Variants in VMP1 observed in about 807,000 individuals in gnomAD.
VMP1 encodes the protein vacuole membrane protein 1, also known as ectopic P-granules autophagy protein 3 homolog.
Under a neutral mutation model 56.0 loss-of-function variants are expected in VMP1, and 11 were observed. That is an observed-to-expected ratio of 0.20 (90% CI 0.12 to 0.32). The LOEUF (loss-of-function observed/expected upper bound fraction) is 0.32, where lower values mean the gene tolerates loss of function less well. Ranked by LOEUF, VMP1 falls within the 10% of genes least tolerant of loss-of-function variation. The probability of loss-of-function intolerance (pLI) is 1.00; values close to 1 mark genes in which losing one functional copy is unlikely to be tolerated. For missense variants in VMP1, 296 were observed against 490.3 expected, an observed-to-expected ratio of 0.60 and a Z score of 3.74; for synonymous variants, 149 against 165.0, an observed-to-expected ratio of 0.90 and a Z score of 0.74.
Position 59,841,243 on chromosome 17 carries a change from A to T in VMP1, c.*1332A>T, listed in dbSNP as rs561219368. ...TCTGCTTGTTTTGCCTACCATCGTG[A>T]CATCTCCATGGCTGTACCACCTTGT... On this transcript the variant is annotated 3_prime_UTR_variant, in exon 12 of 12. Coordinates refer to ENST00000262291, the MANE Select transcript of VMP1 (RefSeq NM_030938.5). 4 of 481,720 alleles carry T rather than the reference A, an allele frequency of 8.3e-6. No homozygotes were observed. The highest frequency in any genetic ancestry group is 7.8e-5 in the African/African-American group (4 of 51,292). 29.8% of individuals were successfully genotyped at this position (481,720 alleles called of 1,614,324 possible).
chr17:59,731,552 G>A (rs2034825255), intron 2 of VMP1, 30 bp downstream of exon 2: 12 of 1,506,206 alleles, frequency 8.0e-6, no homozygotes, highest in Middle Eastern at 1.7e-4. Flanking sequence ...AGGGAGGAGT[G>A]CTATGGGTTT....
chr17:59,749,780 G>A (rs1354580463), intron 5 of VMP1, among the ~76,000 whole-genome samples: 1 of 152,070 alleles, frequency 6.6e-6, no homozygotes, highest in Non-Finnish European at 1.5e-5. Context: ...AAAGTGCTGC[G>A]ATTACAGGCA....
chr17:59,755,806 A>T (rs980123174), intron 5 of VMP1, among the ~76,000 whole-genome samples: 18 of 149,986 alleles, frequency 1.2e-4, no homozygotes, highest in Non-Finnish European at 2.1e-4. Flanking sequence ...TGGCATGATC[A>T]TAGCTCACTG....
At chr17:59,785,058 T>A (rs1043681637) in intron 7 of VMP1, 1 of 152,198 alleles carries the variant, frequency 6.6e-6, no homozygotes, top group Non-Finnish European at 1.5e-5. Context: ...TAAAAGAACT[T>A]ATTTGCATGA....
intron 7 of VMP1, among the ~76,000 whole-genome samples, chr17:59,798,753 G>A (rs1029224505): frequency 6.6e-6 from 1 of 152,158 alleles, no homozygotes; most frequent in Non-Finnish European, 1.5e-5. Flanking sequence ...AGGTGTGGTG[G>A]CGCATGCCTG....
chr17:59,805,661 C>CA (rs760953371), intron 7 of VMP1, among the ~76,000 whole-genome samples: 585 of 101,372 alleles, frequency 5.8e-3, no homozygotes, highest in African/African-American at 0.011. Context: ...AAAATAAAAG[C>CA]AAAAAAAAAA....
chr17:59,731,655 T>A, intron 2 of VMP1, 133 bp downstream of exon 2: 1 of 577,248 alleles, frequency 1.7e-6, no homozygotes, highest in Non-Finnish European at 2.6e-6. Context: ...AAATTATGGG[T>A]CAGTCAGGGC....
chr17:59,806,630 G>A (rs1023520466), intron 7 of VMP1, among the ~76,000 whole-genome samples: 9 of 150,290 alleles, frequency 6.0e-5, no homozygotes, highest in East Asian at 3.9e-4. Context: ...CAAGAGAATC[G>A]CTTGAACCCG....
chr17:59,755,546 T>C (rs2035808229), intron 5 of VMP1, among the ~76,000 whole-genome samples: 1 of 152,152 alleles, frequency 6.6e-6, no homozygotes, highest in African/African-American at 2.4e-5. Flanking sequence ...TATTTGCACT[T>C]TTATAGTATA....
In VMP1 at chr17:59,770,705, C is replaced by T. The variant is rs147024469; in HGVS notation, c.583-3049C>T. Among the ~76,000 whole-genome samples the T allele has an allele frequency of 7.8e-3, 1,181 of 151,844 alleles. 6 individuals are homozygous for T. Among genetic ancestry groups the T allele is most frequent in the Non-Finnish European group, 0.01 (683 of 67,916 alleles). ...CCACAATTCTCCTGCCTCAGCCTCC[C>T]GAGTAGCTGGGATTATAGGCGCACA... On this transcript the variant is annotated intron_variant, in intron 6 of 11. Coordinates refer to ENST00000262291, the MANE Select transcript of VMP1 (RefSeq NM_030938.5).
intron 1 of VMP1, among the ~76,000 whole-genome samples, chr17:59,719,340 A>G (rs555411533): frequency 5.3e-5 from 8 of 152,142 alleles, no homozygotes; most frequent in Non-Finnish European, 1.2e-4. Context: ...CAAACAAACA[A>G]ATAGATACTT....
At position 59,803,491 on chromosome 17, in the gene VMP1, AAG is replaced by A. The variant is rs1293052157; in HGVS notation, c.715-5303_715-5302del. 7.9e-5 allele frequency among the ~76,000 whole-genome samples: 12 copies of A among 152,340 alleles called. No homozygotes were observed. The East Asian group carries it at 1.5e-3, about 20-fold the overall frequency. On this transcript the variant is annotated intron_variant, in intron 7 of 11. Transcript: ENST00000262291. ...ATAATTGGTTTTATTTTTGTGAAAA[AAG>A]AAAAGTAGAAAATGATTTGTAATTG... is the stretch of plus-strand genomic sequence containing the variant.
intron 8 of VMP1, 27 bp downstream of exon 8, chr17:59,808,903 T>C: frequency 6.3e-7 from 1 of 1,582,048 alleles, no homozygotes; most frequent in Non-Finnish European, 8.7e-7. Context: ...AAAACAGAAC[T>C]TTTACTAAGT....
intron 10 of VMP1, among the ~76,000 whole-genome samples, chr17:59,833,610 A>T (rs2038885916): frequency 6.6e-6 from 1 of 152,218 alleles, no homozygotes; most frequent in Admixed American, 6.5e-5. Context: ...AAATTGGTAT[A>T]TTAATCTCAG....
chr17:59,808,740 C>T (rs1165198742), intron 7 of VMP1, 56 bp from the exon 8 acceptor site: 5 of 1,353,026 alleles, frequency 3.7e-6, no homozygotes, highest in East Asian at 2.3e-5. Flanking sequence ...TAGAAAGAAC[C>T]ATCTTTCCTT....
chr17:59,829,424 T>G (rs915330178), intron 10 of VMP1, among the ~76,000 whole-genome samples: 1 of 152,178 alleles, frequency 6.6e-6, no homozygotes, highest in African/African-American at 2.4e-5. Context: ...TGGAGGGCAA[T>G]CTGTCATTTT....
chr17:59,775,463 AC>A (rs2036587742), intron 7 of VMP1, among the ~76,000 whole-genome samples: 1 of 152,150 alleles, frequency 6.6e-6, no homozygotes, highest in Non-Finnish European at 1.5e-5. Context: ...AGCTGGGACT[AC>A]AGGTATATAC....
intron 1 of VMP1, among the ~76,000 whole-genome samples, chr17:59,728,636 C>T (rs1388532170): frequency 1.3e-5 from 2 of 151,370 alleles, no homozygotes; most frequent in Admixed American, 6.6e-5. Flanking sequence ...GCCAGGAGTT[C>T]GAGACCAGCC....
intron 10 of VMP1, among the ~76,000 whole-genome samples, chr17:59,834,688 G>A (rs1048411715): frequency 3.3e-5 from 5 of 151,088 alleles, no homozygotes; most frequent in Non-Finnish European, 5.9e-5. Flanking sequence ...GGAGTGGTGC[G>A]ATCTGGGCTC....
Sources: gnomAD v4.1 joint callset for allele counts (sites outside exome capture counted in the v4.1 genomes callset) on GRCh38, gnomAD v4.1.1 for gene constraint, MANE v1.5 for transcripts, NCBI Gene and HGNC (gene_info 2026-07-23, HGNC 2026-07-21) for gene names.